The following RANBP3L variants were observed in gnomAD, a reference collection of about 807,000 sequenced individuals.
RANBP3L encodes the protein ran-binding protein 3-like.
RANBP3L carries 56 observed loss-of-function variants against 67.2 expected under a neutral mutation model. The observed-to-expected ratio is 0.83, with a 90% CI of 0.67 to 1.04. The LOEUF is 1.04. RANBP3L is among the 50% of genes least tolerant of loss of function. The probability of loss-of-function intolerance (pLI) is 0.00; values close to 1 mark genes in which losing one functional copy is unlikely to be tolerated. For synonymous variants in RANBP3L, 164 were observed against 181.4 expected, an observed-to-expected ratio of 0.90 and a Z score of 0.77; for missense variants, 496 against 535.5, an observed-to-expected ratio of 0.93 and a Z score of 0.73.
chr5:36,249,615 C>A lies in RANBP3L; in HGVS notation c.*39G>T. 8.4e-7 allele frequency: 1 copy of A among 1,184,330 alleles called. No homozygotes were observed. Among genetic ancestry groups the A allele is most frequent in the Non-Finnish European group, 1.2e-6 (1 of 830,984 alleles). The allele number at this position is 1,184,330 out of a possible 1,614,324, so 73.4% of individuals were successfully genotyped here. On this transcript the variant is annotated 3_prime_UTR_variant, in exon 14 of 14. Transcript: ENST00000296604. ...GGTTTAGTATTTTCAGTAGGGTGAC[C>A]CCTCTTTTTGTAGATGTCATGTTTA...
At chr5:36,274,682 G>A (rs1045688618) in intron 1 of RANBP3L, among the ~76,000 whole-genome samples, 1 of 152,088 alleles carries the variant, frequency 6.6e-6, no homozygotes, top group Non-Finnish European at 1.5e-5. Context: ...ATGGGATGTC[G>A]AAGAGGGATT....
intron 6 of RANBP3L, among the ~76,000 whole-genome samples, chr5:36,262,413 CTATT>C (rs1749462673): frequency 1.3e-5 from 2 of 152,262 alleles, no homozygotes; most frequent in African/African-American, 4.8e-5. Flanking sequence ...CTTTTCAGGA[CTATT>C]TAATCCTGGG....
At chr5:36,249,841 A>G (rs955165167) in intron 13 of RANBP3L, 144 bp from the exon 14 acceptor site, 1 of 391,332 alleles carries the variant, frequency 2.6e-6, no homozygotes, top group Non-Finnish European at 4.4e-6. Flanking sequence ...TTTTACAAGC[A>G]ACATTTAGAG....
intron 5 of RANBP3L, 60 bp from the exon 6 acceptor site, chr5:36,265,158 ATT>A: frequency 9.7e-7 from 1 of 1,029,050 alleles, no homozygotes. Flanking sequence ...TTTACTCCCT[ATT>A]TTTAATTAAT....
intron 1 of RANBP3L, among the ~76,000 whole-genome samples, chr5:36,277,440 ATGTGTG>A (rs149996886): frequency 0.071 from 8,186 of 114,592 alleles, 482 homozygotes; most frequent in South Asian, 0.19. Context: ...ATATATATAT[ATGTGTG>A]TGTGTGTGTG....
In RANBP3L at chr5:36,253,529, A is replaced by C. The variant is rs551780587; in HGVS notation, c.1167+118T>G. On this transcript the variant is annotated intron_variant, in intron 12 of 13. Coordinates refer to ENST00000296604, the MANE Select transcript of RANBP3L (RefSeq NM_145000.5). ...CTTATGCTATAAACAGACATAATGA[A>C]TGGCTGAGTTTTTGCCAATGGTACA... 4.5e-4 allele frequency: 337 copies of C among 747,366 alleles called. 1 individual carries two copies. The South Asian group carries it at 5.4e-3, about 12-fold the overall frequency. The allele number at this position is 747,366 out of a possible 1,614,324, so 46.3% of individuals were successfully genotyped here. A position where few individuals can be genotyped will look rare whatever the true frequency, so the allele number is the denominator to read the frequency against.
intron 1 of RANBP3L, among the ~76,000 whole-genome samples, chr5:36,276,196 T>C (rs556660321): frequency 2.6e-5 from 4 of 152,274 alleles, no homozygotes; most frequent in Non-Finnish European, 5.9e-5. Flanking sequence ...TAACTGAAGA[T>C]CTGCTTTTTA....
In RANBP3L at chr5:36,247,979, G is replaced by T. The variant is rs1162462860; in HGVS notation, c.*1675C>A. On this transcript the variant is annotated 3_prime_UTR_variant, in exon 14 of 14. Transcript: ENST00000296604. The stretch of plus-strand genomic sequence containing the variant: ...ATCACAATGTTCCCACATCAGCTGA[G>T]ATCTTAACAATAAAAGAGAACCAGT... Among the ~76,000 whole-genome samples, 1 of 152,166 alleles carries T rather than the reference G, an allele frequency of 6.6e-6. No individual in the cohort carries two copies.
At chr5:36,298,028 C>A (rs9687623) in intron 1 of RANBP3L, among the ~76,000 whole-genome samples, 1 of 151,856 alleles carries the variant, frequency 6.6e-6, no homozygotes, top group Non-Finnish European at 1.5e-5. Context: ...GAGGTCAGTG[C>A]GGTGGCTTAT....
chr5:36,271,446 T>G (rs2111902624), intron 1 of RANBP3L, 135 bp from the exon 2 acceptor site: 1 of 622,416 alleles, frequency 1.6e-6, no homozygotes, highest in African/African-American at 1.8e-5. Flanking sequence ...CTATTTTACA[T>G]GAATACTATC....
In RANBP3L at chr5:36,249,455, TTC is replaced by T. The variant is rs1748449611; in HGVS notation, c.*197_*198del. 2.9e-6 allele frequency: 1 copy of T among 342,218 alleles called. No homozygotes were observed. The highest frequency in any genetic ancestry group is 5.3e-6 in the Non-Finnish European group (1 of 187,674). The allele number at this position is 342,218 out of a possible 1,614,324, so 21.2% of individuals were successfully genotyped here. A position where few individuals can be genotyped will look rare whatever the true frequency, so the allele number is the denominator to read the frequency against. ...AACTTCTGAAGTCCATTTTTTTAAA[TTC>T]TGTCAGTTTCTGCACAATAATCAAA... On this transcript the variant is annotated 3_prime_UTR_variant, in exon 14 of 14. Coordinates refer to ENST00000296604, the MANE Select transcript of RANBP3L (RefSeq NM_145000.5).
chr5:36,263,875 T>G (rs1749565885), intron 6 of RANBP3L, among the ~76,000 whole-genome samples: 1 of 152,250 alleles, frequency 6.6e-6, no homozygotes, highest in Non-Finnish European at 1.5e-5. Context: ...TGGTGATAAT[T>G]ATTACATTAT....
At chr5:36,297,692 G>A (rs1752326437) in intron 1 of RANBP3L, among the ~76,000 whole-genome samples, 1 of 152,096 alleles carries the variant, frequency 6.6e-6, no homozygotes, top group African/African-American at 2.4e-5. Context: ...GAGATAAATG[G>A]ATTAAAAATA....
At chr5:36,264,891 G>A in intron 6 of RANBP3L, 68 bp downstream of exon 6, 2 of 1,480,918 alleles carry the variant, frequency 1.4e-6, no homozygotes, top group Non-Finnish European at 1.8e-6. Context: ...GGATATGGGG[G>A]CCCCAAACAA....
intron 1 of RANBP3L, among the ~76,000 whole-genome samples, chr5:36,289,829 A>G (rs1236274894): frequency 2.0e-5 from 3 of 152,050 alleles, no homozygotes; most frequent in South Asian, 2.1e-4. Context: ...AAAAAAAAAA[A>G]AGATAGTTTT....
intron 12 of RANBP3L, 98 bp downstream of exon 12, chr5:36,253,549 G>T: frequency 1.0e-6 from 1 of 952,936 alleles, no homozygotes; most frequent in Non-Finnish European, 1.6e-6. Flanking sequence ...TTTTGCCAAT[G>T]GTACAGATTA....
At chr5:36,283,653 A>G (rs1751133367) in intron 1 of RANBP3L, among the ~76,000 whole-genome samples, 1 of 152,076 alleles carries the variant, frequency 6.6e-6, no homozygotes, top group Non-Finnish European at 1.5e-5. Context: ...ATCCATTTTC[A>G]GCATTCACAG....
rs1167081583 is a variant in RANBP3L, at chr5:36,249,011, A to G, written c.*643T>C. The G allele has an allele frequency of 6.6e-6, 1 of 152,084 alleles. No homozygotes were observed. Among genetic ancestry groups the G allele is most frequent in the African/African-American group, 2.4e-5 (1 of 41,456 alleles). The allele number at this position is 152,084 out of a possible 1,614,324, so 9.4% of individuals were successfully genotyped here. On this transcript the variant is annotated 3_prime_UTR_variant, in exon 14 of 14. Coordinates refer to ENST00000296604, the MANE Select transcript of RANBP3L (RefSeq NM_145000.5). ...CTTTTTGATACATAGGTAATGTATT[A>G]TATTTTATTTATTCATTTAACAACT...
chr5:36,295,081 G>A (rs1303677205), intron 1 of RANBP3L, among the ~76,000 whole-genome samples: 2 of 151,852 alleles, frequency 1.3e-5, no homozygotes, highest in African/African-American at 2.4e-5. Context: ...ATACTACCAT[G>A]AGCATAGGTG....
Sources: allele counts gnomAD v4.1 joint callset (sites outside exome capture counted in the v4.1 genomes callset), GRCh38; gene constraint gnomAD v4.1.1; transcripts MANE v1.5; gene names NCBI Gene and HGNC (gene_info 2026-07-23, HGNC 2026-07-21).